The following CEP112 variants were observed in gnomAD, a reference collection of about 807,000 sequenced individuals.
The protein encoded by CEP112 is centrosomal protein 112.
A neutral mutation model predicts 153.0 loss-of-function variants in CEP112; 127 were observed. The observed-to-expected ratio is 0.83, with a 90% confidence interval of 0.72 to 0.96. The LOEUF (loss-of-function observed/expected upper bound fraction) is 0.96. Among genes scored for constraint, CEP112 ranks in the 40% least tolerant of loss-of-function variants. The pLI is 0.00. For synonymous variants in CEP112, 358 were observed against 374.4 expected (o/e 0.96, Z 0.51); for missense variants, 1,089 against 1,101.2 (o/e 0.99, Z 0.16).
intron 16 of CEP112, among the ~76,000 whole-genome samples, chr17:66,014,591 T>C (rs1303672968): frequency 6.6e-6 from 1 of 152,148 alleles, no homozygotes; most frequent in East Asian, 1.9e-4. Flanking sequence ...AGCAACTCTC[T>C]CTGCCAGCTC....
rs150126064 is a variant in CEP112, at chr17:66,176,894, G to T, written c.233C>A (p.Ala78Glu). Residue 78 changes from alanine to glutamate, a missense_variant, in exon 3 of 27, where the codon GCG becomes GAG. Coordinates refer to ENST00000535342, the MANE Select transcript of CEP112 (RefSeq NM_001199165.4). ...KLLLHMLKRGALEGPFTHRPE... is the reference protein window; with the variant it reads ...KLLLHMLKRGELEGPFTHRPE... ...TCGGTGTGTAAAAGGGCCTTCAAGC[G>T]CACCTCGTTTAAGCATATGCAATAA... The T allele has an allele frequency of 1.5e-5, 25 of 1,613,540 alleles. No individual in the cohort carries two copies. The East Asian group carries it at 4.7e-4, about 30-fold the overall frequency.
chr17:65,850,281 G>A (rs559877252), intron 21 of CEP112, among the ~76,000 whole-genome samples: 1 of 150,788 alleles, frequency 6.6e-6, no homozygotes, highest in South Asian at 2.1e-4. Flanking sequence ...GCCTGAACAT[G>A]TCCCGAGAGG....
intron 24 of CEP112, among the ~76,000 whole-genome samples, chr17:65,684,340 T>C (rs2047679863): frequency 6.6e-6 from 1 of 152,218 alleles, no homozygotes; most frequent in African/African-American, 2.4e-5. Flanking sequence ...TAAAATATCC[T>C]TCTGGGAAAC....
At chr17:66,090,840 A>T (rs1028218678) in intron 8 of CEP112, among the ~76,000 whole-genome samples, 13 of 152,224 alleles carry the variant, frequency 8.5e-5, no homozygotes, top group African/African-American at 3.1e-4. Context: ...AAAGTGAAGG[A>T]AGAGGAAAAG....
In CEP112 at chr17:65,978,251, A is replaced by G. The variant is rs529399393; in HGVS notation, c.1737-16653T>C. ...AGCCTGGGTGACAGAGCAAGATCCT[A>G]TCTCTAAAAGAAAATAAGTAATGAC... On this transcript the variant is annotated intron_variant, in intron 17 of 26. Coordinates refer to ENST00000535342, the MANE Select transcript of CEP112 (RefSeq NM_001199165.4). Among the ~76,000 whole-genome samples the G allele has an allele frequency of 1.4e-3, 159 of 110,246 alleles. 1 individual carries two copies. Among genetic ancestry groups the G allele is most frequent in the African/African-American group, 5.3e-3 (150 of 28,558 alleles). The allele number at this position is 110,246 out of a possible 152,430, so 72.3% of individuals were successfully genotyped here. A position where few individuals can be genotyped will look rare whatever the true frequency, so the allele number is the denominator to read the frequency against.
chr17:66,048,170 C>T (rs1265961318), intron 12 of CEP112, among the ~76,000 whole-genome samples: 1 of 151,220 alleles, frequency 6.6e-6, no homozygotes, highest in African/African-American at 2.4e-5. Flanking sequence ...ACCGATAGAT[C>T]CAGACAGCTG....
At chr17:66,099,875 T>TTTTTG (rs1294534694) in intron 6 of CEP112, among the ~76,000 whole-genome samples, 1 of 152,010 alleles carries the variant, frequency 6.6e-6, no homozygotes, top group Non-Finnish European at 1.5e-5. Flanking sequence ...TACACCAGGG[T>TTTTTG]TTTTGTGCAA....
chr17:65,686,865 T>C (rs1436374313), intron 24 of CEP112, among the ~76,000 whole-genome samples: 1 of 23,132 alleles, frequency 4.3e-5, no homozygotes, highest in Non-Finnish European at 5.7e-5. Context: ...TGCTATCCAG[T>C]TTTTTTTTTA....
chr17:65,950,699 CTAGTAGTAGTAGTAGTAGTAG>C (rs111958511), intron 18 of CEP112, among the ~76,000 whole-genome samples: 1 of 147,134 alleles, frequency 6.8e-6, no homozygotes, highest in East Asian at 2.0e-4. Flanking sequence ...GGATACATTA[CTAGTAGTAGTAGTAGTAGTAG>C]TAGTAGTAGT....
intron 24 of CEP112, among the ~76,000 whole-genome samples, chr17:65,658,063 C>T (rs1598220296): frequency 6.6e-6 from 1 of 152,218 alleles, no homozygotes; most frequent in East Asian, 1.9e-4. Flanking sequence ...TAAGCAATTG[C>T]TGCATAATCT....
intron 18 of CEP112, among the ~76,000 whole-genome samples, chr17:65,937,232 C>T (rs1342627329): frequency 8.1e-6 from 1 of 123,390 alleles, no homozygotes; most frequent in Non-Finnish European, 1.7e-5. Flanking sequence ...TCTGCCCGGC[C>T]GCCACCCCGT....
chr17:66,091,328 A>C (rs1177900200), intron 8 of CEP112, among the ~76,000 whole-genome samples: 1 of 152,188 alleles, frequency 6.6e-6, no homozygotes, highest in East Asian at 1.9e-4. Flanking sequence ...AGAAGACTGA[A>C]ATCATATCAA....
In CEP112 at chr17:65,746,165, CA is replaced by C. The variant is rs56361589; in HGVS notation, c.2458-2949del. On this transcript the variant is annotated intron_variant, in intron 22 of 26. Coordinates refer to ENST00000535342, the MANE Select transcript of CEP112 (RefSeq NM_001199165.4). ...GGGCAACAAGGGTAAAACTCCATCT[CA>C]AAAAAAAAAAAAAAAAAAAAAAGAA... Among the ~76,000 whole-genome samples, 488 of 49,452 alleles carry C rather than the reference CA, an allele frequency of 9.9e-3. 1 individual carries two copies. Among genetic ancestry groups the C allele is most frequent in the East Asian group, 0.032 (51 of 1,608 alleles). 32.4% of individuals were successfully genotyped at this position (49,452 alleles called of 152,430 possible).
At position 66,117,415 on chromosome 17, in the gene CEP112, CA is replaced by C. The variant is rs749852193; in HGVS notation, c.642+12330del. 2.0e-3 allele frequency among the ~76,000 whole-genome samples: 293 copies of C among 146,788 alleles called. 1 individual carries two copies. Among genetic ancestry groups the C allele is most frequent in the African/African-American group, 6.4e-3 (256 of 40,136 alleles). ...TAAAACAATAAATAAAGCACAAGAC[CA>C]AAAAAAAAATAAAATGTTGCTCATG... On this transcript the variant is annotated intron_variant, in intron 6 of 26. Transcript: ENST00000535342.
intron 12 of CEP112, among the ~76,000 whole-genome samples, chr17:66,048,047 T>G (rs1598221522): frequency 6.6e-6 from 1 of 152,364 alleles, no homozygotes; most frequent in Non-Finnish European, 1.5e-5. Flanking sequence ...GCTACATAAA[T>G]AGCTGTTATG....
rs183902744 is a variant in CEP112, at chr17:65,999,550, T to C, written c.1736+6140A>G. Among the ~76,000 whole-genome samples, 467 of 141,714 alleles carry C rather than the reference T, an allele frequency of 3.3e-3. 1 individual carries two copies. Among genetic ancestry groups the C allele is most frequent in the African/African-American group, 0.012 (436 of 37,082 alleles). 93.0% of individuals were successfully genotyped at this position (141,714 alleles called of 152,430 possible). ...ATATTTACTCATTATTTGAGTGATA[T>C]AATCCTGAAAGCATTTTTTTTTTTT... On this transcript the variant is annotated intron_variant, in intron 17 of 26. Transcript: ENST00000535342.
At chr17:65,763,893 G>C (rs1254453697) in intron 21 of CEP112, among the ~76,000 whole-genome samples, 1 of 151,830 alleles carries the variant, frequency 6.6e-6, no homozygotes, top group African/African-American at 2.4e-5. Flanking sequence ...CTTATAGCTG[G>C]ACATGATGTA....
chr17:66,135,465 C>G (rs1036359950), intron 4 of CEP112, among the ~76,000 whole-genome samples: 2 of 152,120 alleles, frequency 1.3e-5, no homozygotes, highest in African/African-American at 4.8e-5. Flanking sequence ...AAGTGCCACA[C>G]GCCACACAGA....
intron 21 of CEP112, among the ~76,000 whole-genome samples, chr17:65,787,429 G>A (rs571121236): frequency 1.9e-4 from 29 of 152,328 alleles, no homozygotes; most frequent in African/African-American, 6.5e-4. Context: ...GCTGCAGTGA[G>A]CTATAATCGC....
Sources: allele counts gnomAD v4.1 joint callset (sites outside exome capture counted in the v4.1 genomes callset), GRCh38; gene constraint gnomAD v4.1.1; transcripts MANE v1.5; gene names NCBI Gene and HGNC (gene_info 2026-07-23, HGNC 2026-07-21).